PHYKPL: variants seen among roughly 807,000 people sequenced by gnomAD.
PHYKPL encodes 5-phosphohydroxy-L-lysine phospho-lyase.
PHYKPL carries 42 observed loss-of-function variants against 51.3 expected under a neutral mutation model. The ratio of observed to expected loss-of-function variants is 0.82; its 90% confidence interval spans 0.64 to 1.06. The LOEUF (loss-of-function observed/expected upper bound fraction) is 1.06, where lower values mean the gene tolerates loss of function less well. PHYKPL is among the 50% of genes least tolerant of loss of function. The pLI, the probability that PHYKPL is intolerant of heterozygous loss-of-function variation, is 0.00. For synonymous variants in PHYKPL, 264 were observed against 236.0 expected (o/e 1.12, Z -1.09); for missense variants, 655 against 586.6 (o/e 1.12, Z -1.20).
chr5:178,228,523 G>A (rs1762730542), intron 3 of PHYKPL: 2 of 702,382 alleles, frequency 2.8e-6, no homozygotes, highest in South Asian at 1.5e-5. Flanking sequence ...TCTTTCCAGA[G>A]GCTCCAGCTC....
chr5:178,210,266 G>A (rs528992480), intron 12 of PHYKPL: 8 of 1,614,094 alleles, frequency 5.0e-6, no homozygotes, highest in South Asian at 2.2e-5. Context: ...CCCCGGCTAC[G>A]ACTACAGTAA....
chr5:178,212,066 AT>A, intron 11 of PHYKPL, 96 bp from the exon 12 acceptor site: 1 of 1,366,806 alleles, frequency 7.3e-7, no homozygotes, highest in African/African-American at 1.4e-5. Context: ...CAGTTTAGAG[AT>A]TGGGCCCTCT....
In PHYKPL at chr5:178,211,651, T is replaced by C. The variant is rs1758466108; in HGVS notation, c.*31+239A>G. ...GGTGGTTACAAGAGGCAAGGGTGGGTTGGGGTTCCACGTGGATACAGCCCC... is the reference window on the plus strand; with the variant it reads ...GGTGGTTACAAGAGGCAAGGGTGGGCTGGGGTTCCACGTGGATACAGCCCC... On this transcript the variant is annotated intron_variant, in intron 12 of 12. Coordinates refer to ENST00000308158, the MANE Select transcript of PHYKPL (RefSeq NM_153373.4). 2.1e-5 allele frequency: 10 copies of C among 470,198 alleles called. No individual in the cohort carries two copies. The South Asian group carries it at 2.9e-4, about 13-fold the overall frequency. 29.1% of individuals were successfully genotyped at this position (470,198 alleles called of 1,614,324 possible).
intron 11 of PHYKPL, 86 bp from the exon 12 acceptor site, chr5:178,212,056 C>G (rs1237206318): frequency 6.9e-7 from 1 of 1,455,260 alleles, no homozygotes; most frequent in African/African-American, 1.4e-5. Flanking sequence ...AACTGGAGGA[C>G]AGTTTAGAGA....
At chr5:178,209,269 T>C (rs544382207) in intron 12 of PHYKPL, 2 of 1,284,682 alleles carry the variant, frequency 1.6e-6, no homozygotes, top group Middle Eastern at 1.9e-4. Context: ...GTGAAGGTGT[T>C]TGGGCAGTCA....
intron 8 of PHYKPL, among the ~76,000 whole-genome samples, chr5:178,219,443 C>G (rs1760649934): frequency 6.6e-6 from 1 of 150,516 alleles, no homozygotes; most frequent in Admixed American, 6.6e-5. Flanking sequence ...ACAAAAGACA[C>G]AAATAGGCAT....
downstream of PHYKPL, among the ~76,000 whole-genome samples, chr5:178,207,433 G>C (rs1271296894): frequency 6.6e-6 from 1 of 152,200 alleles, no homozygotes; most frequent in Non-Finnish European, 1.5e-5. Context: ...AACAACACAG[G>C]ATGTGAGGGA....
rs114079130 is a variant in PHYKPL, at chr5:178,210,560, T to C, written c.*31+1330A>G. 3,659 of 1,613,936 alleles carry C rather than the reference T, an allele frequency of 2.3e-3. 81 individuals carry two copies. The African/African-American group carries it at 0.044, about 19-fold the overall frequency. ...GGTTGTTCTCGTCCCTAGGTCAGGG[T>C]AGTACAAACTACGGCAAGAGCCAGC... On this transcript the variant is annotated intron_variant, in intron 12 of 12. Transcript: ENST00000308158.
At chr5:178,228,446 C>A (rs768300831) in intron 3 of PHYKPL, 11 of 672,694 alleles carry the variant, frequency 1.6e-5, no homozygotes, top group Non-Finnish European at 5.4e-6. Flanking sequence ...GGAATCCACA[C>A]AGAATAAAGC....
At chr5:178,227,826 G>C (rs1003985054) in intron 3 of PHYKPL, among the ~76,000 whole-genome samples, 2 of 152,218 alleles carry the variant, frequency 1.3e-5, no homozygotes, top group Non-Finnish European at 2.9e-5. Flanking sequence ...GGTGAGAGCA[G>C]GTGGTGGCCA....
At chr5:178,210,140 CAGAGTT>C in intron 12 of PHYKPL, 1 of 1,614,114 alleles carries the variant, frequency 6.2e-7, no homozygotes, top group Non-Finnish European at 8.5e-7. Context: ...AGGTCAGAGT[CAGAGTT>C]GGAATCAGGG....
At chr5:178,210,508 C>A in intron 12 of PHYKPL, 1 of 1,583,326 alleles carries the variant, frequency 6.3e-7, no homozygotes, top group Non-Finnish European at 8.7e-7. Context: ...TGGCACAGGG[C>A]AAATGCTTGT....
downstream of PHYKPL, among the ~76,000 whole-genome samples, chr5:178,208,297 G>C (rs1352750262): frequency 6.6e-6 from 1 of 152,226 alleles, no homozygotes; most frequent in Non-Finnish European, 1.5e-5. Flanking sequence ...AGTTTGGAAA[G>C]AGTGGATTAG....
chr5:178,232,633 C>T lies in PHYKPL; in HGVS notation c.-83G>A. The T allele has an allele frequency of 8.2e-7, 1 of 1,222,112 alleles. No individual in the cohort carries two copies. The allele number at this position is 1,222,112 out of a possible 1,614,324, so 75.7% of individuals were successfully genotyped here. On this transcript the variant is annotated 5_prime_UTR_variant, in exon 1 of 13. Coordinates refer to ENST00000308158, the MANE Select transcript of PHYKPL (RefSeq NM_153373.4). Reference sequence around the variant, plus strand: ...GGGCCTCCAAGGCCCCGCTCCGGGCCCCGCCCCTGCCTGGGTCGGGATTTG... The same window carrying T: ...GGGCCTCCAAGGCCCCGCTCCGGGCTCCGCCCCTGCCTGGGTCGGGATTTG...
At position 178,232,409 on chromosome 5, in the gene PHYKPL, A is replaced by AGTGCGTGC. The variant is rs575569308; in HGVS notation, c.59+75_59+82dup. ...GCTTCCTAGCCGGAGGCGCGTGCGT[A>AGTGCGTGC]GTGCGTGCGTGCGTGCGTCGTGCGT... is the stretch of plus-strand genomic sequence containing the variant. On this transcript the variant is annotated intron_variant, in intron 1 of 12. Coordinates refer to ENST00000308158, the MANE Select transcript of PHYKPL (RefSeq NM_153373.4). 621 of 1,345,136 alleles carry AGTGCGTGC rather than the reference A, an allele frequency of 4.6e-4. 1 individual carries two copies. In the Middle Eastern group the frequency reaches 0.013, roughly 28 times the overall value. The allele number at this position is 1,345,136 out of a possible 1,614,324, so 83.3% of individuals were successfully genotyped here.
In PHYKPL at chr5:178,224,548, G is replaced by A. The variant is rs144422984; in HGVS notation, c.518C>T (p.Thr173Ile). 473 of 1,614,126 alleles carry A rather than the reference G, an allele frequency of 2.9e-4. 2 individuals carry two copies. Among genetic ancestry groups the A allele is most frequent in the Non-Finnish European group, 3.3e-4 (388 of 1,180,040 alleles). The stretch of plus-strand genomic sequence containing the variant: ...GTCCTCCCGGTAGGGGCCCCGGTAG[G>A]TGTCTGGGAGAGGTGCCTGTGGGGA... ...EWVHVAPLPD[T>I]YRGPYREDHP... The change falls in exon 6 of 13, where the codon ACC (threonine) becomes ATC (isoleucine). Residue 173 changes from threonine (T) to isoleucine (I), a missense_variant. Thr to Ile is a moderately conservative substitution (Grantham distance 89). Transcript: ENST00000308158.
rs774791401 is a variant in PHYKPL, at chr5:178,222,394, C to T, written c.888G>A (p.Ala296=). ...CAACGCCGGTGGCTTCAAATGCCCT[C>T]GCCACAGGCTGGGTTGCGGCCACGC... ...VACVAATQPV[A]RAFEATGVEY... The change falls in exon 8 of 13, where the codon GCG becomes GCA. Residue 296 remains alanine (A), a synonymous_variant. Coordinates refer to ENST00000308158, the MANE Select transcript of PHYKPL (RefSeq NM_153373.4). 6.9e-5 allele frequency: 111 copies of T among 1,614,012 alleles called. No homozygotes were observed. The Middle Eastern group carries it at 1.8e-3, about 26-fold the overall frequency.
chr5:178,224,756 C>G, intron 4 of PHYKPL, 27 bp from the exon 5 acceptor site: 2 of 1,581,174 alleles, frequency 1.3e-6, no homozygotes, highest in Non-Finnish European at 1.7e-6. Flanking sequence ...AGGGTAGGCT[C>G]GGGTCCGGGC....
intron 8 of PHYKPL, chr5:178,216,139 G>A (rs1192257353): frequency 6.6e-6 from 1 of 151,906 alleles, no homozygotes; most frequent in East Asian, 1.9e-4. Context: ...CACTTCCTGT[G>A]CAACCGTCCC....
Sources: allele counts gnomAD v4.1 joint callset (sites outside exome capture counted in the v4.1 genomes callset), GRCh38; gene constraint gnomAD v4.1.1; transcripts MANE v1.5; gene names NCBI Gene and HGNC (gene_info 2026-07-23, HGNC 2026-07-21).